SP100: variants seen among roughly 807,000 people sequenced by gnomAD.
The protein encoded by SP100 is SP100 nuclear body protein.
In SP100, 84 loss-of-function variants were observed where a neutral mutation model predicts 130.0. The observed-to-expected ratio is 0.65, with a 90% CI of 0.54 to 0.77. The LOEUF is 0.77. SP100 is among the 30% of genes least tolerant of loss of function. The probability of loss-of-function intolerance (pLI) is 0.00; values close to 1 mark genes in which losing one functional copy is unlikely to be tolerated. For synonymous variants in SP100, 331 were observed against 351.7 expected, an observed-to-expected ratio of 0.94 and a Z score of 0.66; for missense variants, 978 against 1,052.2, an observed-to-expected ratio of 0.93 and a Z score of 0.97.
At chr2:230,473,909 C>T (rs1050718067) in intron 16 of SP100, among the ~76,000 whole-genome samples, 2 of 150,928 alleles carry the variant, frequency 1.3e-5, no homozygotes, top group African/African-American at 4.9e-5. Flanking sequence ...AAAACATGTT[C>T]TTCCACTCAC....
intron 13 of SP100, among the ~76,000 whole-genome samples, chr2:230,467,661 C>T (rs541221357): frequency 3.3e-5 from 5 of 152,182 alleles, no homozygotes; most frequent in Non-Finnish European, 7.3e-5. Flanking sequence ...TTCACTATCA[C>T]AAGAACAGCA....
chr2:230,509,607 T>G (rs1266745875), intron 23 of SP100: 1 of 152,126 alleles, frequency 6.6e-6, no homozygotes, highest in Non-Finnish European at 1.5e-5. Flanking sequence ...AGAGGTGAAA[T>G]TGCCTCGGTT....
chr2:230,508,094 T>A, intron 23 of SP100, 63 bp downstream of exon 23: 1 of 1,601,836 alleles, frequency 6.2e-7, no homozygotes, highest in Non-Finnish European at 8.5e-7. Context: ...TCTATCTCTG[T>A]GGACTTACAG....
intron 19 of SP100, among the ~76,000 whole-genome samples, chr2:230,501,275 G>A (rs1056411741): frequency 1.3e-5 from 2 of 152,078 alleles, no homozygotes; most frequent in African/African-American, 2.4e-5. Flanking sequence ...GGGTTGGGGG[G>A]AAACCTTTAG....
At chr2:230,453,413 A>G (rs1208698266) in intron 8 of SP100, among the ~76,000 whole-genome samples, 3 of 152,166 alleles carry the variant, frequency 2.0e-5, no homozygotes, top group Non-Finnish European at 4.4e-5. Context: ...GAAATCTTTC[A>G]GTTTTTTGTC....
At chr2:230,496,176 T>G (rs1288960538) in intron 18 of SP100, among the ~76,000 whole-genome samples, 1 of 152,214 alleles carries the variant, frequency 6.6e-6, no homozygotes, top group Non-Finnish European at 1.5e-5. Context: ...TTAAAATACT[T>G]GGATTTGTTA....
chr2:230,478,431 C>T (rs191958358), intron 17 of SP100, among the ~76,000 whole-genome samples: 200 of 152,296 alleles, frequency 1.3e-3, no homozygotes, highest in Non-Finnish European at 2.3e-3. Flanking sequence ...CTTCAAATAG[C>T]TCTCCTAAGG....
chr2:230,434,255 A>G (rs1413054457), intron 2 of SP100, among the ~76,000 whole-genome samples: 1 of 152,190 alleles, frequency 6.6e-6, no homozygotes, highest in Admixed American at 6.5e-5. Context: ...TAGCTATGTA[A>G]TAGTTCAACA....
intron 24 of SP100, among the ~76,000 whole-genome samples, chr2:230,525,055 T>C (rs779432404): frequency 2.0e-5 from 3 of 152,108 alleles, no homozygotes; most frequent in Non-Finnish European, 2.9e-5. Context: ...GTTATGGATA[T>C]CAAGATGTAA....
At chr2:230,469,472 G>T (rs1242301179) in intron 14 of SP100, 1 of 465,672 alleles carries the variant, frequency 2.1e-6, no homozygotes. Context: ...AACTAATAAT[G>T]AAAGCCTAAG....
chr2:230,452,414 C>T (rs1008751975), intron 8 of SP100, among the ~76,000 whole-genome samples: 6 of 152,078 alleles, frequency 3.9e-5, no homozygotes, highest in Non-Finnish European at 7.4e-5. Context: ...TGACCTCAGG[C>T]GATCCACCCA....
chr2:230,510,379 G>A (rs921860146), intron 23 of SP100: 2 of 152,286 alleles, frequency 1.3e-5, no homozygotes, highest in South Asian at 4.2e-4. Flanking sequence ...ACACCTGCAT[G>A]GTGTCCAAGA....
At chr2:230,528,014 T>G (rs900624599) in intron 24 of SP100, among the ~76,000 whole-genome samples, 21 of 152,062 alleles carry the variant, frequency 1.4e-4, no homozygotes. Flanking sequence ...ATATTAGACA[T>G]ATCAATGAGA....
chr2:230,450,313 T>C (rs1487866797), intron 8 of SP100, 58 bp downstream of exon 8: 2 of 1,129,590 alleles, frequency 1.8e-6, no homozygotes, highest in Non-Finnish European at 1.3e-6. Context: ...GCTATACATT[T>C]GGTTGGTTGG....
In SP100 at chr2:230,461,312, G is replaced by A; in HGVS notation, c.871G>A (p.Val291Met). ...NHGIQINSCS[V>M]RLVDIKKEKP... ...TGGAATCCAAATTAATTCCTGTTCT[G>A]TGCGACTGGTGGATATAAAAAAGGA... The change falls in exon 9 of 29, where the codon GTG (valine) becomes ATG (methionine). Residue 291 changes from valine to methionine, a missense_variant. Coordinates refer to ENST00000340126, the MANE Select transcript of SP100 (RefSeq NM_001080391.2). The A allele has an allele frequency of 6.2e-7, 1 of 1,614,088 alleles. No homozygotes were observed. The highest frequency in any genetic ancestry group is 8.5e-7 in the Non-Finnish European group (1 of 1,179,962).
chr2:230,503,017 A>T, intron 19 of SP100, 49 bp from the exon 20 acceptor site: 1 of 1,346,898 alleles, frequency 7.4e-7, no homozygotes, highest in South Asian at 1.3e-5. Context: ...GTAAAACACT[A>T]CTATTTGCAA....
intron 2 of SP100, among the ~76,000 whole-genome samples, chr2:230,422,232 T>G (rs2062787685): frequency 6.6e-6 from 1 of 152,226 alleles, no homozygotes; most frequent in South Asian, 2.1e-4. Context: ...ATGAAAATTT[T>G]TTTTAAATTT....
At chr2:230,515,522 A>G in intron 24 of SP100, 1 of 1,605,926 alleles carries the variant, frequency 6.2e-7, no homozygotes, top group Non-Finnish European at 8.5e-7. Flanking sequence ...GCTAAAGGAA[A>G]GCCTAATTCA....
chr2:230,455,784 A>C (rs2064245096), intron 8 of SP100, among the ~76,000 whole-genome samples: 1 of 152,008 alleles, frequency 6.6e-6, no homozygotes, highest in Non-Finnish European at 1.5e-5. Flanking sequence ...TTGTGTAATC[A>C]CTGTAAGTTT....
Sources: gnomAD v4.1 joint callset for allele counts (sites outside exome capture counted in the v4.1 genomes callset) on GRCh38, gnomAD v4.1.1 for gene constraint, MANE v1.5 for transcripts, NCBI Gene and HGNC (gene_info 2026-07-23, HGNC 2026-07-21) for gene names.